Variants in SNAP47 observed in about 807,000 individuals in gnomAD.
SNAP47 encodes synaptosome associated protein 47.
A neutral mutation model predicts 31.4 loss-of-function variants in SNAP47; 20 were observed. That is an observed-to-expected ratio of 0.64 (90% CI 0.45 to 0.93). The LOEUF is 0.93. SNAP47 is among the 40% of genes least tolerant of loss of function. SNAP47 has a pLI of 0.00. For synonymous variants in SNAP47, 194 were observed against 213.4 expected, an observed-to-expected ratio of 0.91 and a Z score of 0.79; for missense variants, 492 against 528.5, an observed-to-expected ratio of 0.93 and a Z score of 0.68.
chr1:227,752,337 C>A (rs1662427784), intron 2 of SNAP47, among the ~76,000 whole-genome samples: 1 of 151,916 alleles, frequency 6.6e-6, no homozygotes, highest in South Asian at 2.1e-4. Flanking sequence ...GCTGCAGCTA[C>A]CATGTCATTA....
chr1:227,776,237 C>T lies in SNAP47; in HGVS notation c.1114-4290C>T, dbSNP rs1195940005. ...GCTGCAGCTTCTCTTAGGAACACTTCTATCAGGTCTGGCTCGCAGGCATGC... is the reference window on the plus strand; with the variant it reads ...GCTGCAGCTTCTCTTAGGAACACTTTTATCAGGTCTGGCTCGCAGGCATGC... On this transcript the variant is annotated intron_variant, in intron 4 of 4. Transcript: ENST00000617596. 3 of 1,064,594 alleles carry T rather than the reference C, an allele frequency of 2.8e-6. No individual in the cohort carries two copies. The Admixed American group carries it at 1.4e-4, about 49-fold the overall frequency. The allele number at this position is 1,064,594 out of a possible 1,614,324, so 65.9% of individuals were successfully genotyped here.
At chr1:227,740,266 G>C (rs910438657) in intron 1 of SNAP47, among the ~76,000 whole-genome samples, 1 of 152,232 alleles carries the variant, frequency 6.6e-6, no homozygotes, top group Non-Finnish European at 1.5e-5. Context: ...GGGCAGGGAG[G>C]CCGCAGGTCC....
intron 1 of SNAP47, chr1:227,736,343 T>C (rs577666538): frequency 8.0e-4 from 122 of 151,956 alleles, no homozygotes; most frequent in African/African-American, 2.8e-3. Context: ...AGGGCTGAAG[T>C]GGGAGGACAT....
At position 227,747,986 on chromosome 1, in the gene SNAP47, C is replaced by T. The variant is rs755228029; in HGVS notation, c.250C>T (p.Arg84Trp). Residue 84 changes from arginine to tryptophan, a missense_variant, in exon 2 of 5, where the codon CGG becomes TGG. Physicochemically the swap from Arg to Trp is moderately radical, Grantham distance 101. Coordinates refer to ENST00000617596, the MANE Select transcript of SNAP47 (RefSeq NM_053052.4). ...GHAKHWFSSLRPSRNVVFSII... is the reference protein window; with the variant it reads ...GHAKHWFSSLWPSRNVVFSII... ...TGCCAAGCACTGGTTCAGCTCCCTG[C>T]GGCCAAGTCGAAATGTGGTCTTCAG... is the stretch of plus-strand genomic sequence containing the variant. The T allele has an allele frequency of 2.4e-5, 39 of 1,614,104 alleles. No individual in the cohort carries two copies. The highest frequency in any genetic ancestry group is 2.0e-4 in the South Asian group (18 of 91,084).
rs1663103569 is a variant in SNAP47, at chr1:227,762,154, G to A, written c.988+2669G>A. ...GCACACACAGCACACAGTCCCACAG[G>A]GACCTGCTGCATGTGTGAGATGGAC... On this transcript the variant is annotated intron_variant, in intron 3 of 4. Coordinates refer to ENST00000617596, the MANE Select transcript of SNAP47 (RefSeq NM_053052.4). The surrounding 1 kb of genome is among the most constrained non-coding windows in gnomAD (Gnocchi z 4.2). 6.6e-6 allele frequency among the ~76,000 whole-genome samples: 1 copy of A among 152,334 alleles called. No individual in the cohort carries two copies. Among genetic ancestry groups the A allele is most frequent in the African/African-American group, 2.4e-5 (1 of 41,566 alleles).
intron 4 of SNAP47, chr1:227,775,837 TGCTC>T (rs1192233178): frequency 7.7e-7 from 1 of 1,304,164 alleles, no homozygotes; most frequent in Non-Finnish European, 1.0e-6. Flanking sequence ...GGTGATGCTT[TGCTC>T]CGAGTCTGCA....
chr1:227,735,335 A>G (rs1245887597), upstream of SNAP47: 2 of 1,598,218 alleles, frequency 1.3e-6, no homozygotes, highest in Non-Finnish European at 1.7e-6. Context: ...AACGGTGAGG[A>G]CCAGCCTCGG....
At chr1:227,765,500 G>C (rs1663336940) in intron 3 of SNAP47, among the ~76,000 whole-genome samples, 1 of 152,220 alleles carries the variant, frequency 6.6e-6, no homozygotes, top group African/African-American at 2.4e-5. Flanking sequence ...GGGCCTGCAG[G>C]CTCCTATGGG....
chr1:227,771,670 AC>A (rs1663818585), intron 4 of SNAP47, among the ~76,000 whole-genome samples: 1 of 35,558 alleles, frequency 2.8e-5, no homozygotes, highest in African/African-American at 1.1e-4. Context: ...CCCCACCCCC[AC>A]CCCCACCCTC....
chr1:227,748,753 G>C (rs1662148527), intron 2 of SNAP47, among the ~76,000 whole-genome samples: 1 of 152,222 alleles, frequency 6.6e-6, no homozygotes, highest in South Asian at 2.1e-4. Context: ...AGGGTGGAGT[G>C]AGGTCTGTCT....
At chr1:227,765,571 A>G (rs1663341310) in intron 3 of SNAP47, among the ~76,000 whole-genome samples, 2 of 152,198 alleles carry the variant, frequency 1.3e-5, no homozygotes, top group South Asian at 4.1e-4. Flanking sequence ...GCACCCACAT[A>G]CAGCTTGGGT....
chr1:227,754,366 G>T (rs966292877), intron 2 of SNAP47, among the ~76,000 whole-genome samples: 1 of 152,198 alleles, frequency 6.6e-6, no homozygotes, highest in African/African-American at 2.4e-5. Context: ...ACAGGATGGG[G>T]GTGTGGCAGG....
At chr1:227,742,215 G>A (rs537908641) in intron 1 of SNAP47, among the ~76,000 whole-genome samples, 1 of 151,856 alleles carries the variant, frequency 6.6e-6, no homozygotes, top group African/African-American at 2.4e-5. Flanking sequence ...AGAGTGTGAT[G>A]TTCTCCTTCC....
intron 3 of SNAP47, among the ~76,000 whole-genome samples, chr1:227,765,354 G>A (rs568359331): frequency 6.6e-6 from 1 of 152,300 alleles, no homozygotes; most frequent in Admixed American, 6.5e-5. Context: ...GAGGTGGACG[G>A]GGGCCACCCT....
intron 3 of SNAP47, among the ~76,000 whole-genome samples, chr1:227,764,368 C>G (rs1410845135): frequency 6.6e-6 from 1 of 152,170 alleles, no homozygotes; most frequent in Non-Finnish European, 1.5e-5. Flanking sequence ...TAAGCAAAGT[C>G]CTATTTGTTA....
At chr1:227,743,469 C>G (rs1231346367) in intron 1 of SNAP47, among the ~76,000 whole-genome samples, 1 of 152,248 alleles carries the variant, frequency 6.6e-6, no homozygotes, top group East Asian at 1.9e-4. Flanking sequence ...CCCCGCCTCT[C>G]CTCTGTGACT....
chr1:227,739,856 G>C (rs1040081211), intron 1 of SNAP47, among the ~76,000 whole-genome samples: 1 of 152,200 alleles, frequency 6.6e-6, no homozygotes, highest in Admixed American at 6.5e-5. Context: ...GGTCAGCGCG[G>C]GTCCCCAGGC....
intron 1 of SNAP47, among the ~76,000 whole-genome samples, chr1:227,740,769 G>A (rs1661534373): frequency 1.3e-5 from 2 of 152,196 alleles, no homozygotes; most frequent in African/African-American, 2.4e-5. Flanking sequence ...GAGGAAGAGA[G>A]GAGTCAGAAG....
intron 1 of SNAP47, among the ~76,000 whole-genome samples, chr1:227,729,206 T>C (rs1347101766): frequency 1.3e-5 from 2 of 152,060 alleles, no homozygotes; most frequent in African/African-American, 4.8e-5. Context: ...CTGGGGCCTG[T>C]GGAAGGGGAC....
Sources: gnomAD v4.1 joint callset for allele counts (sites outside exome capture counted in the v4.1 genomes callset) on GRCh38, gnomAD v4.1.1 for gene constraint, Gnocchi (gnomAD v3.1) non-coding constraint, MANE v1.5 for transcripts, NCBI Gene and HGNC (gene_info 2026-07-23, HGNC 2026-07-21) for gene names.